AKT1S1: variants seen among roughly 807,000 people sequenced by gnomAD.
AKT1S1 encodes the protein proline-rich AKT1 substrate 1.
In AKT1S1, 17 loss-of-function variants were observed where a neutral mutation model predicts 21.2. The ratio of observed to expected loss-of-function variants is 0.80; its 90% CI spans 0.55 to 1.20. The LOEUF is 1.20. Ranked by LOEUF, AKT1S1 falls within the 50% of genes most tolerant of loss-of-function variation. AKT1S1 has a pLI of 0.00. For missense variants in AKT1S1, 366 were observed against 368.3 expected (o/e 0.99, Z 0.05); for synonymous variants, 181 against 165.6 (o/e 1.09, Z -0.72).
At chr19:49,870,531 A>C (rs2074872726) in intron 4 of AKT1S1, among the ~76,000 whole-genome samples, 4 of 152,158 alleles carry the variant, frequency 2.6e-5, no homozygotes, top group Admixed American at 2.6e-4. Flanking sequence ...TGAGATAATC[A>C]GCTGTTACTG....
intron 4 of AKT1S1, 45 bp from the exon 5 acceptor site, chr19:49,870,105 C>G: frequency 4.1e-6 from 6 of 1,452,286 alleles, no homozygotes; most frequent in Non-Finnish European, 3.6e-6. Context: ...GCAGGGCAAT[C>G]CCCCTGCACC....
In AKT1S1 at chr19:49,869,866, G is replaced by T; in HGVS notation, c.*51C>A. ...AGCAGGCCCCGGGAGTGGGGCGGGG[G>T]CGTAGTGTGGGACGGGGCGGACGCG... On this transcript the variant is annotated 3_prime_UTR_variant, in exon 5 of 5. Transcript: ENST00000344175. 7.1e-7 allele frequency: 1 copy of T among 1,411,494 alleles called. No homozygotes were observed. Among genetic ancestry groups the T allele is most frequent in the Non-Finnish European group, 9.4e-7 (1 of 1,065,832 alleles). 87.4% of individuals were successfully genotyped at this position (1,411,494 alleles called of 1,614,324 possible).
upstream of AKT1S1, chr19:49,877,498 TCC>T: frequency 3.7e-6 from 2 of 543,402 alleles, no homozygotes; most frequent in Non-Finnish European, 6.5e-6. Flanking sequence ...CTGCGCACTC[TCC>T]GTAGCCGGAT....
rs373349668 is a variant in AKT1S1 at position 49,871,792 on chromosome 19, G to T, written c.457+20C>A. The T allele has an allele frequency of 5.0e-6, 8 of 1,611,766 alleles. No homozygotes were observed. The highest frequency in any genetic ancestry group is 2.7e-5 in the African/African-American group (2 of 74,754). On this transcript the variant is annotated intron_variant, in intron 3 of 4. Coordinates refer to ENST00000344175, the MANE Select transcript of AKT1S1 (RefSeq NM_001098633.4). The stretch of plus-strand genomic sequence containing the variant: ...TGTGCCTGCCCTCAGGTCGGGAGGG[G>T]AACAGCCTGGGACACTCACCATCTG...
chr19:49,877,861 A>G, upstream of AKT1S1: 1 of 1,293,006 alleles, frequency 7.7e-7, no homozygotes, highest in Non-Finnish European at 1.1e-6. Context: ...GCAAACACCG[A>G]TCTCTTATAA....
At chr19:49,876,319 A>C in intron 1 of AKT1S1, 61 of 1,166,602 alleles carry the variant, frequency 5.2e-5, no homozygotes, top group African/African-American at 9.6e-5. Flanking sequence ...GAGGCCCCCC[A>C]AACCATCCCC....
At position 49,869,826 on chromosome 19, in the gene AKT1S1, G is replaced by A. The variant is rs1568665437; in HGVS notation, c.*91C>T. 4 of 1,279,932 alleles carry A rather than the reference G, an allele frequency of 3.1e-6. No homozygotes were observed. The highest frequency in any genetic ancestry group is 4.1e-5 in the South Asian group (2 of 48,730). The allele number at this position is 1,279,932 out of a possible 1,614,324, so 79.3% of individuals were successfully genotyped here. ...GGGAGACGCAAGGAGGCCGGTCCCG[G>A]ATCGGCCTCAGATTAGCAGGCCCCG... On this transcript the variant is annotated 3_prime_UTR_variant, in exon 5 of 5. Coordinates refer to ENST00000344175, the MANE Select transcript of AKT1S1 (RefSeq NM_001098633.4).
upstream of AKT1S1, chr19:49,877,841 C>T: frequency 7.0e-7 from 1 of 1,427,206 alleles, no homozygotes; most frequent in Non-Finnish European, 9.5e-7. Context: ...GAGAATCCGG[C>T]ACGGCCTTGG....
At position 49,876,311 on chromosome 19, in the gene AKT1S1, G is replaced by A. The variant is rs144087473; in HGVS notation, c.-8+926C>T. ...TTTGGACGGGTGAGGGGCGCCCCGA[G>A]GCCCCCCAAACCATCCCCCGACCCC... On this transcript the variant is annotated intron_variant, in intron 1 of 4. Coordinates refer to ENST00000344175, the MANE Select transcript of AKT1S1 (RefSeq NM_001098633.4). 8.1e-4 allele frequency: 976 copies of A among 1,200,584 alleles called. 2 individuals carry two copies. The African/African-American group carries it at 0.014, about 17-fold the overall frequency. 74.4% of individuals were successfully genotyped at this position (1,200,584 alleles called of 1,614,324 possible).
In AKT1S1 at chr19:49,871,805, C is replaced by A. The variant is rs1298198553; in HGVS notation, c.457+7G>T. 1 of 1,612,166 alleles carries A rather than the reference C, an allele frequency of 6.2e-7. No homozygotes were observed. The highest frequency in any genetic ancestry group is 1.1e-5 in the South Asian group (1 of 91,016). ...AGGTCGGGAGGGGAACAGCCTGGGA[C>A]ACTCACCATCTGTACTCTCGGGGTC... On this transcript the variant is annotated splice_region_variant and intron_variant, in intron 3 of 4. Transcript: ENST00000344175.
At chr19:49,878,024 G>A (rs563628961), upstream of AKT1S1, 284 of 868,176 alleles carry the variant, frequency 3.3e-4, no homozygotes, top group Middle Eastern at 9.2e-4. Flanking sequence ...TGGTCCCGGG[G>A]CAATGGCCCT....
chr19:49,876,140 C>T (rs2074940241), intron 1 of AKT1S1: 2 of 994,166 alleles, frequency 2.0e-6, no homozygotes, highest in African/African-American at 3.5e-5. Flanking sequence ...TGAGCATGAA[C>T]GCGGTAGCCA....
rs1238467884 is a variant in AKT1S1, at chr19:49,869,810, A to T, written c.*107T>A. The T allele has an allele frequency of 8.3e-6, 10 of 1,204,716 alleles. No homozygotes were observed. The highest frequency in any genetic ancestry group is 1.1e-5 in the Non-Finnish European group (10 of 923,438). 74.6% of individuals were successfully genotyped at this position (1,204,716 alleles called of 1,614,324 possible). A position where few individuals can be genotyped will look rare whatever the true frequency, so the allele number is the denominator to read the frequency against. On this transcript the variant is annotated 3_prime_UTR_variant, in exon 5 of 5. Coordinates refer to ENST00000344175, the MANE Select transcript of AKT1S1 (RefSeq NM_001098633.4). ...GGACAATCTTGGGAATGGGAGACGCAAGGAGGCCGGTCCCGGATCGGCCTC... is the reference window on the plus strand; with the variant it reads ...GGACAATCTTGGGAATGGGAGACGCTAGGAGGCCGGTCCCGGATCGGCCTC...
upstream of AKT1S1, chr19:49,877,425 A>G: frequency 2.2e-6 from 1 of 454,854 alleles, no homozygotes; most frequent in Non-Finnish European, 3.9e-6. Context: ...TGCTTGCCCC[A>G]GGTGGTGCAG....
chr19:49,876,086 C>G, intron 1 of AKT1S1: 1 of 986,396 alleles, frequency 1.0e-6, no homozygotes, highest in East Asian at 1.1e-4. Context: ...AACCACCCCT[C>G]CTGTCGAAAT....
chr19:49,875,448 C>T (rs574731706), intron 1 of AKT1S1, among the ~76,000 whole-genome samples: 21 of 152,194 alleles, frequency 1.4e-4, no homozygotes, highest in African/African-American at 4.6e-4. Context: ...GCTGACTGCC[C>T]AGCCCCAAAA....
In AKT1S1 at chr19:49,871,866, C is replaced by T. The variant is rs138502258; in HGVS notation, c.403G>A (p.Ala135Thr). 1.5e-5 allele frequency: 24 copies of T among 1,612,822 alleles called. No individual in the cohort carries two copies. The highest frequency in any genetic ancestry group is 1.3e-4 in the East Asian group (6 of 44,864). ...NGGLFVMDED[A>T]TLQDLPPFCE... is the part of the protein sequence containing the mutation. ...AAGGGGGGAAGGTCCTGGAGGGTGG[C>T]GTCCTCATCCATCACAAAGAGCCCT... Residue 135 changes from alanine to threonine, a missense_variant, in exon 3 of 5, where the codon GCC (alanine) becomes ACC (threonine). By Grantham distance (58) the Ala-to-Thr change is moderately conservative. Coordinates refer to ENST00000344175, the MANE Select transcript of AKT1S1 (RefSeq NM_001098633.4).
chr19:49,870,752 A>G (rs1284470531), intron 4 of AKT1S1, among the ~76,000 whole-genome samples: 1 of 152,202 alleles, frequency 6.6e-6, no homozygotes, highest in Non-Finnish European at 1.5e-5. Context: ...ACAGCACGCA[A>G]GAGGCCAGAG....
upstream of AKT1S1, chr19:49,877,879 G>A (rs370358286): frequency 3.9e-5 from 44 of 1,128,846 alleles, no homozygotes; most frequent in East Asian, 6.6e-4. Flanking sequence ...TAAACGCGCC[G>A]TCACCCTCCC....
Sources: allele counts gnomAD v4.1 joint callset (sites outside exome capture counted in the v4.1 genomes callset), GRCh38; gene constraint gnomAD v4.1.1; transcripts MANE v1.5; gene names NCBI Gene and HGNC (gene_info 2026-07-23, HGNC 2026-07-21).